Variants in RIPK2 observed in about 807,000 individuals in gnomAD.
The protein encoded by RIPK2 is receptor interacting serine/threonine kinase 2, also known as receptor-interacting serine/threonine-protein kinase 2.
Under a neutral mutation model 60.9 loss-of-function variants are expected in RIPK2, and 38 were observed. That is an observed-to-expected ratio of 0.62 (90% CI 0.48 to 0.82). The LOEUF is 0.82. Among genes scored for constraint, RIPK2 ranks in the 40% least tolerant of loss-of-function variants. RIPK2 has a pLI of 0.00. For missense variants in RIPK2, 518 were observed against 647.0 expected, an observed-to-expected ratio of 0.80 and a Z score of 2.16; for synonymous variants, 225 against 223.4, an observed-to-expected ratio of 1.01 and a Z score of -0.06.
chr8:89,777,562 A>G (rs1448772594), intron 6 of RIPK2, among the ~76,000 whole-genome samples: 1 of 142,702 alleles, frequency 7.0e-6, no homozygotes, highest in Non-Finnish European at 1.5e-5. Context: ...CCAGCTTTGT[A>G]TCTAATAGTA....
intron 6 of RIPK2, among the ~76,000 whole-genome samples, chr8:89,776,914 A>C (rs971480921): frequency 1.3e-5 from 2 of 152,236 alleles, no homozygotes; most frequent in Non-Finnish European, 2.9e-5. Context: ...CAGGAAACAA[A>C]GAGCAGCAAT....
At chr8:89,789,286 T>C (rs1809635778) in intron 9 of RIPK2, 35 bp from the exon 10 acceptor site, 6 of 1,583,382 alleles carry the variant, frequency 3.8e-6, no homozygotes, top group Non-Finnish European at 5.2e-6. Flanking sequence ...TTCTAAGGAG[T>C]ATTCTACTTC....
At position 89,772,694 on chromosome 8, in the gene RIPK2, A is replaced by G. The variant is rs996847816; in HGVS notation, c.719A>G (p.Tyr240Cys). 2 of 1,609,712 alleles carry G rather than the reference A, an allele frequency of 1.2e-6. No individual in the cohort carries two copies. Among genetic ancestry groups the G allele is most frequent in the African/African-American group, 1.3e-5 (1 of 74,694 alleles). ...EDVTNPLQIM[Y>C]SVSQGHRPVI... ...GTCACCAATCCTTTGCAGATAATGTATAGTGTGTCACAAGGACATCGACCT... is the reference window on the plus strand; with the variant it reads ...GTCACCAATCCTTTGCAGATAATGTGTAGTGTGTCACAAGGACATCGACCT... The change falls in exon 6 of 11, where the codon TAT becomes TGT. Residue 240 changes from tyrosine (Y) to cysteine (C), a missense_variant. Tyr to Cys is a radical substitution (Grantham distance 194). Transcript: ENST00000220751.
intron 6 of RIPK2, among the ~76,000 whole-genome samples, chr8:89,775,406 G>A (rs898822614): frequency 6.6e-6 from 1 of 152,058 alleles, no homozygotes; most frequent in African/African-American, 2.4e-5. Context: ...AGCCTTGATT[G>A]TGCCACTGCA....
chr8:89,763,283 A>T (rs942945004), intron 2 of RIPK2, among the ~76,000 whole-genome samples: 3 of 152,214 alleles, frequency 2.0e-5, no homozygotes, highest in Non-Finnish European at 4.4e-5. Flanking sequence ...TAAACTCTGC[A>T]TACTGTAAAA....
intron 3 of RIPK2, among the ~76,000 whole-genome samples, chr8:89,767,077 A>G (rs917732198): frequency 1.3e-5 from 2 of 151,756 alleles, no homozygotes; most frequent in African/African-American, 4.8e-5. Flanking sequence ...ACCAAGTTCT[A>G]CTTACTGAAG....
intron 1 of RIPK2, among the ~76,000 whole-genome samples, chr8:89,758,698 A>C (rs1194422227): frequency 1.3e-5 from 2 of 152,234 alleles, no homozygotes; most frequent in African/African-American, 4.8e-5. Context: ...GCTATTGAGC[A>C]CTTGAAATGT....
chr8:89,771,723 T>C lies in RIPK2; in HGVS notation c.642-18T>C. On this transcript the variant is annotated intron_variant, in intron 4 of 10. Coordinates refer to ENST00000220751, the MANE Select transcript of RIPK2 (RefSeq NM_003821.6). ...GTTCATTTAAAATATGTAACATGTA[T>C]GTTCTTATGTTAAACAGCTATGCAG... 6.4e-7 allele frequency: 1 copy of C among 1,556,306 alleles called. No homozygotes were observed. Among genetic ancestry groups the C allele is most frequent in the South Asian group, 1.1e-5 (1 of 88,226 alleles).
In RIPK2 at chr8:89,790,537, A is replaced by G. The variant is rs201638848; in HGVS notation, c.*121A>G. 21 of 693,496 alleles carry G rather than the reference A, an allele frequency of 3.0e-5. No homozygotes were observed. The highest frequency in any genetic ancestry group is 4.7e-5 in the Non-Finnish European group (20 of 428,512). The allele number at this position is 693,496 out of a possible 1,614,324, so 43.0% of individuals were successfully genotyped here. A position where few individuals can be genotyped will look rare whatever the true frequency, so the allele number is the denominator to read the frequency against. ...TTTATTGAAGGTTCTTTGGGTAAAT[A>G]TTAGTCTCCCTCCATGACACTGCAG... is the stretch of plus-strand genomic sequence containing the variant. On this transcript the variant is annotated 3_prime_UTR_variant, in exon 11 of 11. Coordinates refer to ENST00000220751, the MANE Select transcript of RIPK2 (RefSeq NM_003821.6).
chr8:89,780,469 G>A (rs536702498), intron 7 of RIPK2: 32 of 163,778 alleles, frequency 2.0e-4, no homozygotes, highest in Non-Finnish European at 3.1e-4. Context: ...CCAGGAGTTC[G>A]AGACCAGCTG....
intron 2 of RIPK2, among the ~76,000 whole-genome samples, chr8:89,764,726 AAAAAC>A (rs1175194615): frequency 1.3e-5 from 2 of 152,260 alleles, no homozygotes; most frequent in South Asian, 2.1e-4. Context: ...TCCCTTCCAC[AAAAAC>A]AAAACAAAAG....
At chr8:89,768,420 C>T (rs1240056939) in intron 3 of RIPK2, among the ~76,000 whole-genome samples, 1 of 151,572 alleles carries the variant, frequency 6.6e-6, no homozygotes, top group Non-Finnish European at 1.5e-5. Context: ...AAATATGAAC[C>T]AGTACAGAGC....
chr8:89,765,447 A>G lies in RIPK2; in HGVS notation c.434A>G (p.His145Arg). Residue 145 changes from histidine (H) to arginine (R), a missense_variant, in exon 3 of 11, where the codon CAT becomes CGT. Coordinates refer to ENST00000220751, the MANE Select transcript of RIPK2 (RefSeq NM_003821.6). ...AATATGACTCCTCCTTTACTTCATC[A>G]TGACTTGAAGACTCAGAATATCTTA... is the stretch of plus-strand genomic sequence containing the variant. ...LHNMTPPLLH[H>R]DLKTQNILLD... 1.3e-6 allele frequency: 2 copies of G among 1,599,978 alleles called. No individual in the cohort carries two copies. The highest frequency in any genetic ancestry group is 1.7e-6 in the Non-Finnish European group (2 of 1,167,974).
In RIPK2 at chr8:89,784,070, C is replaced by T; in HGVS notation, c.960C>T (p.Ala320=). ...KKTKLQSVSS[A]IHLCDKKKME... The stretch of plus-strand genomic sequence containing the variant: ...TACAGTTACAGAGTGTTTCAAGTGC[C>T]ATTCACCTATGTGACAAGAAGAAAA... The change falls in exon 8 of 11, where the codon GCC becomes GCT. Residue 320 remains alanine (A), a synonymous_variant. Transcript: ENST00000220751. The T allele has an allele frequency of 1.3e-6, 2 of 1,575,268 alleles. No individual in the cohort carries two copies. The highest frequency in any genetic ancestry group is 1.1e-5 in the South Asian group (1 of 87,972).
chr8:89,759,534 C>A, intron 1 of RIPK2: 2 of 398,558 alleles, frequency 5.0e-6, no homozygotes, highest in Non-Finnish European at 5.1e-6. Context: ...TCTTCATTGT[C>A]TCTCACTGTC....
chr8:89,758,132 G>T lies in RIPK2; in HGVS notation c.72G>T (p.Leu24=). The T allele has an allele frequency of 6.2e-7, 1 of 1,600,532 alleles. No individual in the cohort carries two copies. ...ACAAACTCGCCGACCTGCGCTACCT[G>T]AGCCGCGGCGCCTCTGGCACTGTGT... is the stretch of plus-strand genomic sequence containing the variant. ...PYHKLADLRY[L]SRGASGTVSS... is the part of the protein sequence containing the mutation. The change falls in exon 1 of 11, where the codon CTG becomes CTT. Residue 24 remains leucine (L), a synonymous_variant. Coordinates refer to ENST00000220751, the MANE Select transcript of RIPK2 (RefSeq NM_003821.6).
intron 10 of RIPK2, 106 bp downstream of exon 10, chr8:89,789,588 GATAA>G: frequency 2.9e-6 from 3 of 1,043,364 alleles, no homozygotes; most frequent in Non-Finnish European, 4.2e-6. Flanking sequence ...TCCTCAATAT[GATAA>G]ATACATACCT....
chr8:89,778,684 G>T (rs1044272226), intron 6 of RIPK2, among the ~76,000 whole-genome samples: 3 of 152,096 alleles, frequency 2.0e-5, no homozygotes, highest in Non-Finnish European at 4.4e-5. Flanking sequence ...TCATCATATG[G>T]ATGTATCCCA....
chr8:89,769,869 C>T lies in RIPK2; in HGVS notation c.581C>T (p.Pro194Leu). 6.2e-7 allele frequency: 1 copy of T among 1,608,676 alleles called. No homozygotes were observed. The highest frequency in any genetic ancestry group is 8.5e-7 in the Non-Finnish European group (1 of 1,177,036). Residue 194 changes from proline (P) to leucine (L), a missense_variant, in exon 4 of 11, where the codon CCA (proline) becomes CTA (leucine). Pro to Leu is a moderately conservative substitution (Grantham distance 98, BLOSUM62 -3). This residue lies in a region of RIPK2 where 448 missense variants were observed against 534.7 expected (regional missense o/e 0.84). Transcript: ENST00000220751. ...APEGGTIIYM[P>L]PENYEPGQKS... ...GAAGGAGGGACAATTATCTATATGC[C>T]ACCTGAAAACTATGAACCTGGACAA...
Sources: gnomAD v4.1 joint callset for allele counts (sites outside exome capture counted in the v4.1 genomes callset) on GRCh38, gnomAD v4.1.1 for gene constraint, gnomAD v4.1.1 regional missense constraint, MANE v1.5 for transcripts, NCBI Gene and HGNC (gene_info 2026-07-23, HGNC 2026-07-21) for gene names.